The following PCDHGA7 variants were observed in gnomAD, a reference collection of about 807,000 sequenced individuals.
The protein encoded by PCDHGA7 is protocadherin gamma-A7.
A neutral mutation model predicts 58.3 loss-of-function variants in PCDHGA7; 44 were observed. The observed-to-expected ratio is 0.75, with a 90% confidence interval of 0.59 to 0.97. The LOEUF (loss-of-function observed/expected upper bound fraction) is 0.97, where lower values mean the gene tolerates loss of function less well. Ranked by LOEUF, PCDHGA7 falls within the 50% of genes least tolerant of loss-of-function variation. PCDHGA7 has a pLI of 0.00. For synonymous variants in PCDHGA7, 516 were observed against 504.2 expected, an observed-to-expected ratio of 1.02 and a Z score of -0.31; for missense variants, 1,266 against 1,188.7, an observed-to-expected ratio of 1.06 and a Z score of -0.96.
chr5:141,425,371 G>T (rs1396857898), intron 1 of PCDHGA7, among the ~76,000 whole-genome samples: 3 of 152,186 alleles, frequency 2.0e-5, no homozygotes, highest in African/African-American at 7.2e-5. Context: ...AGAGGGTTAT[G>T]TTGATTCGGA....
In PCDHGA7 at chr5:141,485,472, C is replaced by T. The variant is rs1185020546; in HGVS notation, c.2425-9335C>T. On this transcript the variant is annotated intron_variant, in intron 1 of 3. Transcript: ENST00000518325. This position sits in a 1 kb window ranked among gnomAD's most constrained non-coding sequence, Gnocchi z 5.7. The stretch of plus-strand genomic sequence containing the variant: ...CGAGAGGCACTGTGTGGGCTCAGTG[C>T]CAGCTGCATCGTGCCCCTGGAGTTT... The T allele has an allele frequency of 3.1e-6, 5 of 1,614,138 alleles. No individual in the cohort carries two copies. In the South Asian group the frequency reaches 5.5e-5, roughly 18 times the overall value.
At chr5:141,445,855 T>C (rs1432695384) in intron 1 of PCDHGA7, among the ~76,000 whole-genome samples, 1 of 152,222 alleles carries the variant, frequency 6.6e-6, no homozygotes, top group Non-Finnish European at 1.5e-5. Flanking sequence ...CTTAAAATTC[T>C]GGATTTTGTT....
Position 141,489,087 on chromosome 5 carries a change from T to TCAAA in PCDHGA7, c.2425-5720_2425-5719insCAAA. 4.6e-6 allele frequency: 1 copy of TCAAA among 216,106 alleles called. No individual in the cohort carries two copies. The highest frequency in any genetic ancestry group is 8.4e-6 in the Non-Finnish European group (1 of 118,736). The allele number at this position is 216,106 out of a possible 1,614,324, so 13.4% of individuals were successfully genotyped here. On this transcript the variant is annotated intron_variant, in intron 1 of 3. Coordinates refer to ENST00000518325, the MANE Select transcript of PCDHGA7 (RefSeq NM_018920.4). This position sits in a 1 kb window ranked among gnomAD's most constrained non-coding sequence, Gnocchi z 4.5. The stretch of plus-strand genomic sequence containing the variant: ...CCCCCTGCCCACCCCCGCCACTCGG[T>TCAAA]GACTAAGAACTGCTGCAAGCAGGCA...
intron 1 of PCDHGA7, chr5:141,399,111 A>G (rs1561667842): frequency 1.9e-6 from 3 of 1,613,732 alleles, no homozygotes; most frequent in East Asian, 2.2e-5. Context: ...CACAATGTAC[A>G]GTTGAAATTA....
chr5:141,444,364 T>C (rs1191889941), intron 1 of PCDHGA7, among the ~76,000 whole-genome samples: 2 of 151,718 alleles, frequency 1.3e-5, no homozygotes, highest in Admixed American at 1.3e-4. Context: ...AGAGACGGGG[T>C]TTCTCCATGT....
At chr5:141,400,547 C>A (rs534226736) in intron 1 of PCDHGA7, 12 of 1,613,676 alleles carry the variant, frequency 7.4e-6, no homozygotes, top group African/African-American at 2.7e-5. Flanking sequence ...TATGTCTATT[C>A]TTTTTCATTA....
Position 141,489,772 on chromosome 5 carries a change from T to C in PCDHGA7, c.2425-5035T>C, listed in dbSNP as rs1327700197. 6.2e-7 allele frequency: 1 copy of C among 1,614,154 alleles called. No individual in the cohort carries two copies. The highest frequency in any genetic ancestry group is 8.5e-7 in the Non-Finnish European group (1 of 1,179,994). ...TTACACTCTAAGCCCCAACAGCCAC[T>C]TCTCTCTGAATGTGAAGACCCTAAA... On this transcript the variant is annotated intron_variant, in intron 1 of 3. Coordinates refer to ENST00000518325, the MANE Select transcript of PCDHGA7 (RefSeq NM_018920.4). This position sits in a 1 kb window ranked among gnomAD's most constrained non-coding sequence, Gnocchi z 4.5.
At chr5:141,426,539 T>C in intron 1 of PCDHGA7, 2 of 347,388 alleles carry the variant, frequency 5.8e-6, no homozygotes, top group South Asian at 4.4e-5. Flanking sequence ...GGGAACATAC[T>C]TGTGAGTGAC....
Position 141,384,236 on chromosome 5 carries a change from A to T in PCDHGA7, c.1337A>T (p.Asn446Ile). ...THIFMQVADT[N>I]DNPPTFPHSS... ...ATATTCATGCAGGTGGCAGACACCAACGATAACCCACCCACCTTCCCCCAC... is the reference window on the plus strand; with the variant it reads ...ATATTCATGCAGGTGGCAGACACCATCGATAACCCACCCACCTTCCCCCAC... The change falls in exon 1 of 4, where the codon AAC becomes ATC. Residue 446 changes from asparagine (N) to isoleucine (I), a missense_variant. By Grantham distance (149) the Asn-to-Ile change is moderately radical (BLOSUM62 -3). Coordinates refer to ENST00000518325, the MANE Select transcript of PCDHGA7 (RefSeq NM_018920.4). 1 of 1,613,886 alleles carries T rather than the reference A, an allele frequency of 6.2e-7. No individual in the cohort carries two copies. Among genetic ancestry groups the T allele is most frequent in the Non-Finnish European group, 8.5e-7 (1 of 1,179,892 alleles).
chr5:141,489,348 G>T lies in PCDHGA7; in HGVS notation c.2425-5459G>T. On this transcript the variant is annotated intron_variant, in intron 1 of 3. Coordinates refer to ENST00000518325, the MANE Select transcript of PCDHGA7 (RefSeq NM_018920.4). The surrounding 1 kb of genome is among the most constrained non-coding windows in gnomAD (Gnocchi z 4.5). ...CTGGGCAGCTTCGTTACTCAGTGGT[G>T]GAGGAGTCTGAGCCGGGGACGCTGG... is the stretch of plus-strand genomic sequence containing the variant. 1 of 1,611,876 alleles carries T rather than the reference G, an allele frequency of 6.2e-7. No homozygotes were observed. The highest frequency in any genetic ancestry group is 8.5e-7 in the Non-Finnish European group (1 of 1,178,502).
intron 1 of PCDHGA7, among the ~76,000 whole-genome samples, chr5:141,470,417 T>A (rs1482173610): frequency 6.6e-6 from 1 of 152,226 alleles, no homozygotes; most frequent in East Asian, 1.9e-4. Context: ...ATTTTATGTA[T>A]TTTTTCCTTG....
At chr5:141,428,154 T>G (rs760002801) in intron 1 of PCDHGA7, 29 of 1,578,806 alleles carry the variant, frequency 1.8e-5, no homozygotes, top group African/African-American at 1.3e-5. Flanking sequence ...CACGGGAACC[T>G]GCTGGTTGCT....
intron 1 of PCDHGA7, chr5:141,409,769 G>C (rs1413636372): frequency 1.2e-6 from 2 of 1,612,776 alleles, no homozygotes; most frequent in Non-Finnish European, 1.7e-6. Context: ...CTTTGATCAC[G>C]AGCAGCTGCG....
At chr5:141,492,384 C>T (rs1001189412) in intron 1 of PCDHGA7, among the ~76,000 whole-genome samples, 1 of 152,230 alleles carries the variant, frequency 6.6e-6, no homozygotes, top group African/African-American at 2.4e-5. Context: ...AGGCCTGTTC[C>T]GGTCCACTCG....
intron 1 of PCDHGA7, chr5:141,413,963 C>T (rs1368202031): frequency 6.8e-6 from 11 of 1,613,446 alleles, no homozygotes; most frequent in Non-Finnish European, 9.3e-6. Context: ...CCTGTGGGCA[C>T]TCAGCTGCTG....
rs761350249 is a variant in PCDHGA7 at position 141,418,909 on chromosome 5, G to A, written c.2424+33586G>A. Reference sequence around the variant, plus strand: ...ACAACAGCCCAGAAATAATCATCACGTCACTCTCTGATCAGATTATGGAGG... The same window carrying A: ...ACAACAGCCCAGAAATAATCATCACATCACTCTCTGATCAGATTATGGAGG... On this transcript the variant is annotated intron_variant, in intron 1 of 3. Coordinates refer to ENST00000518325, the MANE Select transcript of PCDHGA7 (RefSeq NM_018920.4). The A allele has an allele frequency of 1.9e-6, 3 of 1,613,906 alleles. No homozygotes were observed. In the Admixed American group the frequency reaches 5.0e-5, roughly 27 times the overall value.
intron 1 of PCDHGA7, among the ~76,000 whole-genome samples, chr5:141,437,976 T>G (rs1182220385): frequency 1.3e-5 from 2 of 152,096 alleles, no homozygotes; most frequent in Non-Finnish European, 2.9e-5. Flanking sequence ...GATCTTGGGA[T>G]GCACCCACCC....
At chr5:141,462,547 T>G (rs534942187) in intron 1 of PCDHGA7, among the ~76,000 whole-genome samples, 1 of 152,330 alleles carries the variant, frequency 6.6e-6, no homozygotes, top group African/African-American at 2.4e-5. Flanking sequence ...TCTTTTCTTC[T>G]TCAGTGTTTA....
At position 141,392,949 on chromosome 5, in the gene PCDHGA7, G is replaced by A. The variant is rs747367099; in HGVS notation, c.2424+7626G>A. On this transcript the variant is annotated intron_variant, in intron 1 of 3. Transcript: ENST00000518325. ...AGAGACGGACAAAGGCTCCTTCGTG[G>A]GTAATATCTCCAAGGACCTGGGGCT... The A allele has an allele frequency of 5.6e-6, 9 of 1,613,906 alleles. No homozygotes were observed. In the South Asian group the frequency reaches 8.8e-5, roughly 16 times the overall value.
Sources: gnomAD v4.1 joint callset for allele counts (sites outside exome capture counted in the v4.1 genomes callset) on GRCh38, gnomAD v4.1.1 for gene constraint, Gnocchi (gnomAD v3.1) non-coding constraint, MANE v1.5 for transcripts, NCBI Gene and HGNC (gene_info 2026-07-23, HGNC 2026-07-21) for gene names.